The following MFAP5 variants were observed in gnomAD, a reference collection of about 807,000 sequenced individuals.
MFAP5 encodes the protein microfibril associated protein 5, also known as microfibrillar-associated protein 5.
Under a neutral mutation model 30.1 loss-of-function variants are expected in MFAP5, and 19 were observed. The ratio of observed to expected loss-of-function variants is 0.63; its 90% CI spans 0.44 to 0.93. MFAP5 has a LOEUF of 0.93. Ranked by LOEUF, MFAP5 falls within the 40% of genes least tolerant of loss-of-function variation. MFAP5 has a pLI of 0.00. For missense variants in MFAP5, 210 were observed against 221.3 expected, an observed-to-expected ratio of 0.95 and a Z score of 0.32; for synonymous variants, 92 against 72.9, an observed-to-expected ratio of 1.26 and a Z score of -1.33.
chr12:8,656,100 G>A lies in MFAP5; in HGVS notation c.95-270C>T, dbSNP rs12827693. Among the ~76,000 whole-genome samples, 11,209 of 132,078 alleles carry A rather than the reference G, an allele frequency of 0.085. 452 individuals are homozygous for A. The highest frequency in any genetic ancestry group is 0.14 in the Middle Eastern group (31 of 218). 86.6% of individuals were successfully genotyped at this position (132,078 alleles called of 152,430 possible). A position where few individuals can be genotyped will look rare whatever the true frequency, so the allele number is the denominator to read the frequency against. On this transcript the variant is annotated intron_variant, in intron 3 of 9. Coordinates refer to ENST00000359478, the MANE Select transcript of MFAP5 (RefSeq NM_003480.4). ...TTTTGAGACGGAGTCTCGCTCTGTC[G>A]CCCAGGCTGGAGTGCAGGGGCGCGA...
chr12:8,648,600 C>T (rs1347730997), intron 9 of MFAP5: 1 of 1,158,054 alleles, frequency 8.6e-7, no homozygotes, highest in Non-Finnish European at 1.1e-6. Flanking sequence ...TATACATTTA[C>T]GTGCTTACTA....
In MFAP5 at chr12:8,650,411, T is replaced by C. The variant is rs1269751317; in HGVS notation, c.335+91A>G. 16 of 1,323,392 alleles carry C rather than the reference T, an allele frequency of 1.2e-5. No homozygotes were observed. The East Asian group carries it at 3.7e-4, about 31-fold the overall frequency. 82.0% of individuals were successfully genotyped at this position (1,323,392 alleles called of 1,614,324 possible). ...CTAAAAACTTTGGCCCCATCAAAGT[T>C]TGCAATTCCATAGTGGGTGCTCATT... On this transcript the variant is annotated intron_variant, in intron 8 of 9. Coordinates refer to ENST00000359478, the MANE Select transcript of MFAP5 (RefSeq NM_003480.4).
chr12:8,650,392 A>G, intron 8 of MFAP5, 110 bp downstream of exon 8: 1 of 986,162 alleles, frequency 1.0e-6, no homozygotes, highest in Admixed American at 1.9e-5. Context: ...TGTGCTAAAA[A>G]CTTTGGCCCC....
intron 1 of MFAP5, 186 bp from the exon 2 acceptor site, chr12:8,662,292 A>G (rs894034009): frequency 1.2e-5 from 7 of 578,468 alleles, no homozygotes; most frequent in African/African-American, 1.9e-5. Context: ...TCTCCCTCAA[A>G]TCTATTCCTT....
At chr12:8,660,695 G>A (rs1377115502) in intron 3 of MFAP5, among the ~76,000 whole-genome samples, 168 bp downstream of exon 3, 1 of 151,486 alleles carries the variant, frequency 6.6e-6, no homozygotes, top group Non-Finnish European at 1.5e-5. Flanking sequence ...AACTGGTGAA[G>A]TTGATCCTAT....
At chr12:8,650,376 G>C in intron 8 of MFAP5, 126 bp downstream of exon 8, 1 of 784,858 alleles carries the variant, frequency 1.3e-6, no homozygotes. Flanking sequence ...CAATAACTAG[G>C]AGGGTTGTGC....
At chr12:8,652,162 C>A (rs966486218) in intron 6 of MFAP5, among the ~76,000 whole-genome samples, 5 of 152,150 alleles carry the variant, frequency 3.3e-5, no homozygotes, top group African/African-American at 1.2e-4. Context: ...TAATGAGGGT[C>A]AGCTGGGCAC....
chr12:8,657,778 G>T (rs1471017010), intron 3 of MFAP5, among the ~76,000 whole-genome samples: 1 of 151,744 alleles, frequency 6.6e-6, no homozygotes, highest in Non-Finnish European at 1.5e-5. Flanking sequence ...CACCATGTTG[G>T]CCAGGCTGGT....
chr12:8,655,386 A>AT lies in MFAP5; in HGVS notation c.172+28dup, dbSNP rs34501309. On this transcript the variant is annotated intron_variant, in intron 5 of 9. Transcript: ENST00000359478. Reference sequence around the variant, plus strand: ...TGTGAATATTAACAAGAACCATGCCATTTTTTTTTTAACTGCGGTAAAATT... The same window carrying AT: ...TGTGAATATTAACAAGAACCATGCCATTTTTTTTTTTAACTGCGGTAAAATT... The AT allele has an allele frequency of 0.095, 123,097 of 1,296,498 alleles. 2,349 individuals carry two copies. The highest frequency in any genetic ancestry group is 0.13 in the African/African-American group (8,780 of 66,824). The allele number at this position is 1,296,498 out of a possible 1,614,324, so 80.3% of individuals were successfully genotyped here.
At position 8,647,055 on chromosome 12, in the gene MFAP5, G is replaced by T. The variant is rs1179399428; in HGVS notation, c.*1036C>A. Reference sequence around the variant, plus strand: ...TGCTAGAGCCAGGATAAGAATGTGGGTTGTCTGAATATTGTGTTTCTTTCA... The same window carrying T: ...TGCTAGAGCCAGGATAAGAATGTGGTTTGTCTGAATATTGTGTTTCTTTCA... On this transcript the variant is annotated 3_prime_UTR_variant, in exon 10 of 10. Transcript: ENST00000359478. 1 of 152,186 alleles carries T rather than the reference G, an allele frequency of 6.6e-6. No individual in the cohort carries two copies. Among genetic ancestry groups the T allele is most frequent in the African/African-American group, 2.4e-5 (1 of 41,438 alleles). The allele number at this position is 152,186 out of a possible 1,614,324, so 9.4% of individuals were successfully genotyped here.
chr12:8,654,193 T>A (rs1315024728), intron 6 of MFAP5: 5 of 430,926 alleles, frequency 1.2e-5, no homozygotes, highest in Non-Finnish European at 2.1e-5. Flanking sequence ...CCAAAACGTG[T>A]TTATACTTTT....
intron 9 of MFAP5, 29 bp from the exon 10 acceptor site, chr12:8,648,232 G>T: frequency 1.3e-6 from 2 of 1,542,728 alleles, no homozygotes; most frequent in South Asian, 1.1e-5. Context: ...ATCATGGGAA[G>T]AGAATGCAGA....
chr12:8,647,960 T>C lies in MFAP5; in HGVS notation c.*131A>G, dbSNP rs1941727298. On this transcript the variant is annotated 3_prime_UTR_variant, in exon 10 of 10. Transcript: ENST00000359478. ...TGGGTGAAAAAGTAGAGAGTAGGGGTAAAAGCTGGACATTGCAAAAGGATT... is the reference window on the plus strand; with the variant it reads ...TGGGTGAAAAAGTAGAGAGTAGGGGCAAAAGCTGGACATTGCAAAAGGATT... 1.7e-6 allele frequency: 1 copy of C among 604,142 alleles called. No individual in the cohort carries two copies. Among genetic ancestry groups the C allele is most frequent in the African/African-American group, 1.9e-5 (1 of 53,596 alleles). The allele number at this position is 604,142 out of a possible 1,614,324, so 37.4% of individuals were successfully genotyped here. A position where few individuals can be genotyped will look rare whatever the true frequency, so the allele number is the denominator to read the frequency against.
At chr12:8,650,937 C>A (rs1029721896) in intron 7 of MFAP5, among the ~76,000 whole-genome samples, 1 of 152,050 alleles carries the variant, frequency 6.6e-6, no homozygotes, top group African/African-American at 2.4e-5. Flanking sequence ...GGGGACGAGG[C>A]GGGCAGATCA....
At chr12:8,661,008 G>A in intron 2 of MFAP5, 110 bp from the exon 3 acceptor site, 1 of 907,360 alleles carries the variant, frequency 1.1e-6, no homozygotes, top group East Asian at 2.4e-5. Context: ...CTTTATCTTT[G>A]TGACTTATTC....
chr12:8,659,030 TG>T (rs1719532043), intron 3 of MFAP5, among the ~76,000 whole-genome samples: 2 of 145,736 alleles, frequency 1.4e-5, no homozygotes, highest in South Asian at 4.5e-4. Flanking sequence ...GGTCTCAGGC[TG>T]GCAGCAGTGG....
chr12:8,658,015 C>T (rs1345654383), intron 3 of MFAP5, among the ~76,000 whole-genome samples: 6 of 152,130 alleles, frequency 3.9e-5, no homozygotes, highest in Admixed American at 2.0e-4. Flanking sequence ...AGGAATTTCC[C>T]TTGCTTACCT....
intron 2 of MFAP5, among the ~76,000 whole-genome samples, chr12:8,661,640 G>C (rs1026869538): frequency 1.3e-5 from 2 of 151,598 alleles, no homozygotes; most frequent in Non-Finnish European, 2.9e-5. Context: ...CTCCCAAAGT[G>C]CTAGGAGTAT....
chr12:8,649,180 G>A (rs1941763227), intron 9 of MFAP5, among the ~76,000 whole-genome samples: 2 of 152,138 alleles, frequency 1.3e-5, no homozygotes, highest in South Asian at 4.1e-4. Flanking sequence ...TGGCTGACTT[G>A]AAATTTTCCC....
Sources: gnomAD v4.1 joint callset for allele counts (sites outside exome capture counted in the v4.1 genomes callset) on GRCh38, gnomAD v4.1.1 for gene constraint, MANE v1.5 for transcripts, NCBI Gene and HGNC (gene_info 2026-07-23, HGNC 2026-07-21) for gene names.